The following RYR2 variants were observed in gnomAD, a reference collection of about 807,000 sequenced individuals.
RYR2 encodes the protein ryanodine receptor 2, also known as cardiac muscle ryanodine receptor-calcium release channel.
RYR2 carries 227 observed loss-of-function variants against 601.1 expected under a neutral mutation model. That is an observed-to-expected ratio of 0.38 (90% CI 0.34 to 0.42). The LOEUF (loss-of-function observed/expected upper bound fraction) is 0.42, where lower values mean the gene tolerates loss of function less well. Among genes scored for constraint, RYR2 ranks in the 10% least tolerant of loss-of-function variants. RYR2 has a pLI of 1.00. For synonymous variants in RYR2, 2,223 were observed against 2,175.1 expected (o/e 1.02, Z -0.61); for missense variants, 4,646 against 6,156.5 (o/e 0.75, Z 8.21).
At chr1:237,208,960 A>ATATATATGTG (rs1682167825) in intron 1 of RYR2, among the ~76,000 whole-genome samples, 1 of 103,010 alleles carries the variant, frequency 9.7e-6, no homozygotes, top group African/African-American at 3.3e-5. Flanking sequence ...ATATATATAT[A>ATATATATGTG]TATATATATA....
intron 1 of RYR2, among the ~76,000 whole-genome samples, chr1:237,206,247 T>G (rs1004562886): frequency 3.3e-5 from 5 of 152,108 alleles, no homozygotes; most frequent in African/African-American, 1.2e-4. Context: ...AGGGCTTGGG[T>G]CCAGAGCATC....
At position 237,819,210 on chromosome 1, in the gene RYR2, T is replaced by A. The variant is rs1662160528; in HGVS notation, c.14590+18T>A. Reference sequence around the variant, plus strand: ...AATACAAGGTAAGTATCCTCCTCACTGAAGCTGATGAACATCTAGAATTTG... The same window carrying A: ...AATACAAGGTAAGTATCCTCCTCACAGAAGCTGATGAACATCTAGAATTTG... On this transcript the variant is annotated intron_variant, in intron 101 of 104. Coordinates refer to ENST00000366574, the MANE Select transcript of RYR2 (RefSeq NM_001035.3). This position sits in a 1 kb window ranked among gnomAD's most constrained non-coding sequence, Gnocchi z 4.0. 4 of 1,603,058 alleles carry A rather than the reference T, an allele frequency of 2.5e-6. No homozygotes were observed. The African/African-American group carries it at 4.0e-5, about 16-fold the overall frequency.
chr1:237,093,096 C>T (rs1053183410), intron 1 of RYR2, among the ~76,000 whole-genome samples: 9 of 152,134 alleles, frequency 5.9e-5, no homozygotes, highest in Admixed American at 3.3e-4. Context: ...TAAAGTGTGA[C>T]GCGTTTCACC....
chr1:237,474,252 C>CAAAT (rs1553465066), intron 17 of RYR2, among the ~76,000 whole-genome samples: 2 of 132,658 alleles, frequency 1.5e-5, no homozygotes, highest in African/African-American at 5.3e-5. Context: ...TAGATATATA[C>CAAAT]ATATGTATAG....
chr1:237,161,578 C>A (rs1676024147), intron 1 of RYR2, among the ~76,000 whole-genome samples: 1 of 151,362 alleles, frequency 6.6e-6, no homozygotes, highest in Non-Finnish European at 1.5e-5. Context: ...ATGAGTATTT[C>A]AAATTGTGAA....
chr1:237,244,526 TC>T (rs1686577126), intron 1 of RYR2, among the ~76,000 whole-genome samples: 2 of 152,008 alleles, frequency 1.3e-5, no homozygotes, highest in South Asian at 4.1e-4. Flanking sequence ...TGGCCAGCCT[TC>T]TCTGCAAGCT....
chr1:237,331,745 A>G (rs536491320), intron 3 of RYR2, among the ~76,000 whole-genome samples: 8 of 150,754 alleles, frequency 5.3e-5, no homozygotes, highest in Non-Finnish European at 1.2e-4. Context: ...TGACCTCCTG[A>G]CCTCGTGATC....
chr1:237,493,948 G>A (rs1663730818), intron 19 of RYR2, among the ~76,000 whole-genome samples: 1 of 152,106 alleles, frequency 6.6e-6, no homozygotes, highest in Admixed American at 6.5e-5. Flanking sequence ...TTGTGTCTGT[G>A]CTTTCCTAGG....
At chr1:237,152,075 G>T (rs1054097480) in intron 1 of RYR2, among the ~76,000 whole-genome samples, 31 of 151,946 alleles carry the variant, frequency 2.0e-4, no homozygotes, top group Admixed American at 1.4e-3. Context: ...TCATTGTTCA[G>T]CTCCCACTTA....
At chr1:237,618,050 T>C (rs974468147) in intron 38 of RYR2, among the ~76,000 whole-genome samples, 6 of 151,894 alleles carry the variant, frequency 4.0e-5, no homozygotes, top group African/African-American at 1.5e-4. Flanking sequence ...GGCCTCAGAG[T>C]GTGGGAAGTT....
intron 6 of RYR2, among the ~76,000 whole-genome samples, chr1:237,369,930 T>C (rs1162326421): frequency 6.6e-6 from 1 of 152,090 alleles, no homozygotes; most frequent in African/African-American, 2.4e-5. Context: ...AAGAGTTCAT[T>C]TATTAGAGAA....
At chr1:237,208,308 A>T (rs1682041480) in intron 1 of RYR2, among the ~76,000 whole-genome samples, 2 of 152,178 alleles carry the variant, frequency 1.3e-5, no homozygotes. Context: ...AGTGTTCAAG[A>T]CATCAGGCTA....
intron 1 of RYR2, among the ~76,000 whole-genome samples, chr1:237,053,960 C>T (rs555651726): frequency 5.0e-4 from 76 of 152,314 alleles, no homozygotes; most frequent in African/African-American, 1.8e-3. Context: ...TATTGGCCCA[C>T]ATTATTCCGC....
At chr1:237,171,431 T>A (rs1300595835) in intron 1 of RYR2, among the ~76,000 whole-genome samples, 2 of 152,138 alleles carry the variant, frequency 1.3e-5, no homozygotes, top group African/African-American at 4.8e-5. Context: ...GCCTGTCCTG[T>A]TGATGATCAC....
chr1:237,370,278 T>A (rs1351653192), intron 6 of RYR2, among the ~76,000 whole-genome samples: 27 of 152,122 alleles, frequency 1.8e-4, no homozygotes, highest in Admixed American at 1.6e-3. Context: ...AAGTCACATA[T>A]AACTTTTGAT....
At position 237,225,395 on chromosome 1, in the gene RYR2, G is replaced by A. The variant is rs566349038; in HGVS notation, c.49-45102G>A. 1.4e-4 allele frequency among the ~76,000 whole-genome samples: 22 copies of A among 152,260 alleles called. No homozygotes were observed. The East Asian group carries it at 1.9e-3, about 13-fold the overall frequency. On this transcript the variant is annotated intron_variant, in intron 1 of 104. Coordinates refer to ENST00000366574, the MANE Select transcript of RYR2 (RefSeq NM_001035.3). Reference sequence around the variant, plus strand: ...ACTCAAATTCCACATGGCAGAGGGCGAAAGGCACGTCTTACATGGCGGCAG... The same window carrying A: ...ACTCAAATTCCACATGGCAGAGGGCAAAAGGCACGTCTTACATGGCGGCAG...
chr1:237,365,299 C>G (rs184685113), intron 5 of RYR2, among the ~76,000 whole-genome samples: 3 of 152,128 alleles, frequency 2.0e-5, no homozygotes, highest in African/African-American at 7.2e-5. Context: ...AAAGGAAGCG[C>G]GTTCTTGTCA....
intron 19 of RYR2, among the ~76,000 whole-genome samples, chr1:237,493,560 G>C (rs1448548868): frequency 5.9e-5 from 9 of 152,076 alleles, no homozygotes; most frequent in South Asian, 2.1e-4. Flanking sequence ...TCAGGCCATT[G>C]TCCTGCCTCA....
At chr1:237,617,260 T>C in intron 37 of RYR2, 26 bp from the exon 38 acceptor site, 2 of 1,564,938 alleles carry the variant, frequency 1.3e-6, no homozygotes, top group Middle Eastern at 1.7e-4. Context: ...GAAATTAAAT[T>C]TGGTGTCTTT....
Sources: allele counts gnomAD v4.1 joint callset (sites outside exome capture counted in the v4.1 genomes callset), GRCh38; gene constraint gnomAD v4.1.1; non-coding constraint Gnocchi (gnomAD v3.1); transcripts MANE v1.5; gene names NCBI Gene and HGNC (gene_info 2026-07-23, HGNC 2026-07-21).